PRH1: variants seen among roughly 807,000 people sequenced by gnomAD.
PRH1 encodes proline rich protein HaeIII subfamily 1.
A neutral mutation model predicts 7.9 loss-of-function variants in PRH1; 7 were observed. That is an observed-to-expected ratio of 0.89 (90% CI 0.50 to 1.67). PRH1 has a LOEUF of 1.67. Among genes scored for constraint, PRH1 ranks in the 40% most tolerant of loss-of-function variants. The pLI, the probability that PRH1 is intolerant of heterozygous loss-of-function variation, is 0.00. For synonymous variants in PRH1, 45 were observed against 80.8 expected (o/e 0.56, Z 2.38); for missense variants, 109 against 223.6 (o/e 0.49, Z 3.27).
At chr12:11,159,681 A>G (rs987475541) in intron 1 of PRH1, 3 of 152,132 alleles carry the variant, frequency 2.0e-5, no homozygotes, top group Admixed American at 1.3e-4. Flanking sequence ...GAAAATATTA[A>G]TTCCAACGAA....
At chr12:10,930,862 C>G (rs756039945) in intron 2 of PRH1, 2 of 1,613,280 alleles carry the variant, frequency 1.2e-6, no homozygotes, top group Admixed American at 1.7e-5. Context: ...GGGAGGCCAT[C>G]CCCCTCCTCC....
chr12:11,026,938 A>AT (rs1941945183), intron 1 of PRH1, among the ~76,000 whole-genome samples: 1 of 152,186 alleles, frequency 6.6e-6, no homozygotes, highest in East Asian at 1.9e-4. Flanking sequence ...TTTAATTTAC[A>AT]TTTTTTAAAA....
At chr12:10,964,645 CAAGA>C in intron 2 of PRH1, 2 of 536,286 alleles carry the variant, frequency 3.7e-6, no homozygotes, top group Non-Finnish European at 3.4e-6. Context: ...CAGCAAATAA[CAAGA>C]GGAAGGAGGT....
At chr12:11,141,822 C>A (rs1472078460) in intron 1 of PRH1, among the ~76,000 whole-genome samples, 1 of 152,156 alleles carries the variant, frequency 6.6e-6, no homozygotes. Flanking sequence ...GGGTCTTGCT[C>A]TGTCACCCAG....
chr12:11,005,394 A>G (rs1940780026), intron 1 of PRH1, among the ~76,000 whole-genome samples: 1 of 152,140 alleles, frequency 6.6e-6, no homozygotes, highest in Non-Finnish European at 1.5e-5. Flanking sequence ...TTAAAAAGCA[A>G]CACATAGTTC....
At chr12:10,985,802 T>G in intron 1 of PRH1, 1 of 786,886 alleles carries the variant, frequency 1.3e-6, no homozygotes, top group East Asian at 2.6e-5. Flanking sequence ...TAAAAGACTT[T>G]TCTAGGTATG....
chr12:11,130,319 T>C (rs1946297827), intron 1 of PRH1, among the ~76,000 whole-genome samples: 1 of 152,188 alleles, frequency 6.6e-6, no homozygotes, highest in Non-Finnish European at 1.5e-5. Context: ...TTAAGGTTTT[T>C]AGTGTCCCTA....
chr12:10,998,055 G>A (rs563920763), intron 1 of PRH1, among the ~76,000 whole-genome samples: 133 of 152,248 alleles, frequency 8.7e-4, no homozygotes, highest in African/African-American at 3.0e-3. Context: ...TAATGAATGA[G>A]TTCAATGCTG....
At chr12:11,091,079 T>G (rs1207853647) in intron 1 of PRH1, among the ~76,000 whole-genome samples, 1 of 55,148 alleles carries the variant, frequency 1.8e-5, no homozygotes, top group Non-Finnish European at 4.5e-5. Context: ...TTGTCAATGT[T>G]AAGTTTTCAT....
intron 1 of PRH1, among the ~76,000 whole-genome samples, chr12:11,112,712 C>T (rs1380950120): frequency 2.0e-5 from 3 of 152,084 alleles, no homozygotes; most frequent in Non-Finnish European, 4.4e-5. Context: ...TGGGCAAAAA[C>T]GGGAAGCATT....
At chr12:11,122,864 T>C (rs1269130188) in intron 1 of PRH1, among the ~76,000 whole-genome samples, 1 of 152,194 alleles carries the variant, frequency 6.6e-6, no homozygotes, top group African/African-American at 2.4e-5. Flanking sequence ...TAAACACTCA[T>C]GTAACCATTA....
At chr12:10,920,002 C>A (rs1950024437) in intron 2 of PRH1, among the ~76,000 whole-genome samples, 1 of 150,710 alleles carries the variant, frequency 6.6e-6, no homozygotes, top group Non-Finnish European at 1.5e-5. Context: ...TGGGCTCAAA[C>A]AATCCTCCTG....
At chr12:11,011,707 A>T (rs758960732) in intron 1 of PRH1, among the ~76,000 whole-genome samples, 7 of 152,146 alleles carry the variant, frequency 4.6e-5, no homozygotes, top group Non-Finnish European at 1.0e-4. Flanking sequence ...GACAGAATCC[A>T]AAGTTTTCTT....
intron 1 of PRH1, among the ~76,000 whole-genome samples, chr12:11,021,087 T>TTGCCTTTA (rs1941599231): frequency 2.7e-5 from 4 of 149,856 alleles, no homozygotes. Context: ...TATACAAAAT[T>TTGCCTTTA]TACTCTACAT....
At chr12:11,036,577 G>A (rs2060705) in intron 1 of PRH1, among the ~76,000 whole-genome samples, 67,865 of 151,842 alleles carry the variant, frequency 0.45, 15,443 homozygotes, top group Non-Finnish European at 0.51. Context: ...ACGAAAATCT[G>A]AATTGTTTCT....
intron 2 of PRH1, among the ~76,000 whole-genome samples, chr12:10,904,785 G>C (rs10845237): frequency 0.49 from 74,628 of 151,824 alleles, 20,774 homozygotes; most frequent in East Asian, 0.72. Flanking sequence ...ATGCAACAAG[G>C]GTCTAATATC....
chr12:10,908,668 T>C, intron 2 of PRH1: 1 of 1,613,924 alleles, frequency 6.2e-7, no homozygotes, highest in Non-Finnish European at 8.5e-7. Context: ...AGTTGCATTT[T>C]CTGGAGATGT....
intron 2 of PRH1, among the ~76,000 whole-genome samples, chr12:10,905,943 T>TTGTGGGGA (rs1949796386): frequency 6.6e-6 from 1 of 152,330 alleles, no homozygotes; most frequent in East Asian, 1.9e-4. Flanking sequence ...ATAGTGTTTT[T>TTGTGGGGA]TGTGGGGACC....
intron 1 of PRH1, chr12:11,133,944 T>A (rs1204681993): frequency 6.2e-7 from 1 of 1,614,128 alleles, no homozygotes; most frequent in Non-Finnish European, 8.5e-7. Context: ...ATGCTGAGGC[T>A]AGTAGCAAGC....
Sources: allele counts gnomAD v4.1 joint callset (sites outside exome capture counted in the v4.1 genomes callset), GRCh38; gene constraint gnomAD v4.1.1; transcripts MANE v1.5; gene names NCBI Gene and HGNC (gene_info 2026-07-23, HGNC 2026-07-21).